ABCA13: variants seen among roughly 807,000 people sequenced by gnomAD.
ABCA13 encodes ATP-binding cassette sub-family A member 13.
In ABCA13, 476 loss-of-function variants were observed where a neutral mutation model predicts 478.7. That is an observed-to-expected ratio of 0.99 (90% CI 0.92 to 1.07). The LOEUF (loss-of-function observed/expected upper bound fraction) is 1.07, where lower values mean the gene tolerates loss of function less well. Ranked by LOEUF, ABCA13 falls within the 50% of genes least tolerant of loss-of-function variation. The pLI, the probability that ABCA13 is intolerant of heterozygous loss-of-function variation, is 0.00. For synonymous variants in ABCA13, 2,252 were observed against 2,158.9 expected, an observed-to-expected ratio of 1.04 and a Z score of -1.20; for missense variants, 6,060 against 5,910.6, an observed-to-expected ratio of 1.03 and a Z score of -0.83.
At chr7:48,375,593 T>C (rs1813340409) in intron 34 of ABCA13, among the ~76,000 whole-genome samples, 2 of 152,008 alleles carry the variant, frequency 1.3e-5, no homozygotes, top group Non-Finnish European at 1.5e-5. Flanking sequence ...ATATATTTCA[T>C]AGATATTTGT....
rs1224547302 is a variant in ABCA13 at position 48,272,409 on chromosome 7, G to A, written c.2743G>A (p.Glu915Lys). The change falls in exon 17 of 62, where the codon GAA (glutamate) becomes AAA (lysine). Residue 915 changes from glutamate (E) to lysine (K), a missense_variant. Around this residue, in one of 3 missense-constraint regions of ABCA13, gnomAD observed 4,423 missense variants for 4,309.1 expected, o/e 1.03. Transcript: ENST00000435803. ...FGFLEQEQIS[E>K]ALNTVYAIRN... ...ATTTTTGGAGCAGGAACAGATCTCAGAAGCTCTGAACACAGTCTACGCTAT... is the reference window on the plus strand; with the variant it reads ...ATTTTTGGAGCAGGAACAGATCTCAAAAGCTCTGAACACAGTCTACGCTAT... The A allele has an allele frequency of 1.2e-6, 2 of 1,613,770 alleles. No individual in the cohort carries two copies. The highest frequency in any genetic ancestry group is 1.7e-6 in the Non-Finnish European group (2 of 1,179,750).
At chr7:48,613,065 G>A (rs1408021181) in intron 58 of ABCA13, among the ~76,000 whole-genome samples, 1 of 151,912 alleles carries the variant, frequency 6.6e-6, no homozygotes, top group African/African-American at 2.4e-5. Flanking sequence ...TCTTTGAATG[G>A]TCTCTACATG....
At chr7:48,598,548 C>T (rs1422407582) in intron 58 of ABCA13, among the ~76,000 whole-genome samples, 2 of 151,986 alleles carry the variant, frequency 1.3e-5, no homozygotes, top group South Asian at 4.1e-4. Flanking sequence ...TGTAATAGTT[C>T]TTTTTATGTA....
chr7:48,441,410 C>A (rs1414186080), intron 42 of ABCA13, among the ~76,000 whole-genome samples: 1 of 152,164 alleles, frequency 6.6e-6, no homozygotes, highest in Admixed American at 6.5e-5. Flanking sequence ...CTATGGGCAC[C>A]CCTTCTCTCT....
At chr7:48,577,843 G>C (rs1296636112) in intron 55 of ABCA13, among the ~76,000 whole-genome samples, 2 of 152,056 alleles carry the variant, frequency 1.3e-5, no homozygotes, top group Non-Finnish European at 2.9e-5. Flanking sequence ...GTATCAAATT[G>C]AGTCTAACAA....
At chr7:48,465,591 A>G (rs1054267395) in intron 43 of ABCA13, among the ~76,000 whole-genome samples, 1 of 140,286 alleles carries the variant, frequency 7.1e-6, no homozygotes, top group South Asian at 2.2e-4. Flanking sequence ...ATACATATTT[A>G]TGGGGTACAT....
At chr7:48,299,954 G>A (rs1799921693) in intron 23 of ABCA13, among the ~76,000 whole-genome samples, 1 of 152,178 alleles carries the variant, frequency 6.6e-6, no homozygotes, top group South Asian at 2.1e-4. Flanking sequence ...GTAATTGGGA[G>A]GAGTATTTAA....
At chr7:48,292,012 G>A (rs1798608827) in intron 20 of ABCA13, among the ~76,000 whole-genome samples, 1 of 152,136 alleles carries the variant, frequency 6.6e-6, no homozygotes, top group Non-Finnish European at 1.5e-5. Context: ...TCTGTTCTCA[G>A]TCTGTGCTCA....
rs1795230763 is a variant in ABCA13 at position 48,643,280 on chromosome 7, A to G, written c.14838-8A>G. On this transcript the variant is annotated splice_region_variant and splice_polypyrimidine_tract_variant and intron_variant, in intron 59 of 61. Transcript: ENST00000435803. ...AATAATCATGTTTCTATTTTATTTAACTCTCAGGTTTGGTGATGGTTATAC... is the reference window on the plus strand; with the variant it reads ...AATAATCATGTTTCTATTTTATTTAGCTCTCAGGTTTGGTGATGGTTATAC... 1 of 1,563,544 alleles carries G rather than the reference A, an allele frequency of 6.4e-7. No homozygotes were observed. Among genetic ancestry groups the G allele is most frequent in the Non-Finnish European group, 8.7e-7 (1 of 1,145,012 alleles).
At chr7:48,578,614 G>A (rs1431947914) in intron 55 of ABCA13, among the ~76,000 whole-genome samples, 2 of 152,062 alleles carry the variant, frequency 1.3e-5, no homozygotes, top group African/African-American at 4.8e-5. Flanking sequence ...ACATCAACAA[G>A]ATATTGGTTC....
intron 59 of ABCA13, among the ~76,000 whole-genome samples, chr7:48,633,884 C>G (rs1308871930): frequency 1.3e-5 from 2 of 150,062 alleles, no homozygotes; most frequent in Non-Finnish European, 2.9e-5. Context: ...GTGAGTGAGA[C>G]ACTTCTCTTT....
intron 1 of ABCA13, among the ~76,000 whole-genome samples, chr7:48,183,761 T>A (rs1038025899): frequency 3.3e-5 from 5 of 152,242 alleles, no homozygotes; most frequent in African/African-American, 1.2e-4. Flanking sequence ...AAAGCACTTA[T>A]TTTTATTGCC....
rs111306165 is a variant in ABCA13 at position 48,257,997 on chromosome 7, C to T, written c.2005+8646C>T. 6.4e-3 allele frequency among the ~76,000 whole-genome samples: 973 copies of T among 152,256 alleles called. 7 individuals are homozygous for T. Among genetic ancestry groups the T allele is most frequent in the Middle Eastern group, 0.054 (16 of 294 alleles). On this transcript the variant is annotated intron_variant, in intron 15 of 61. Transcript: ENST00000435803. ...GGAGTGAAGTGATGCAGTCGAGGCTCACTGCACCCTCGACCTCCCAGGGTC... is the reference window on the plus strand; with the variant it reads ...GGAGTGAAGTGATGCAGTCGAGGCTTACTGCACCCTCGACCTCCCAGGGTC...
chr7:48,211,587 A>G lies in ABCA13; in HGVS notation c.288-7767A>G, dbSNP rs542269042. On this transcript the variant is annotated intron_variant, in intron 3 of 61. Coordinates refer to ENST00000435803, the MANE Select transcript of ABCA13 (RefSeq NM_152701.5). The stretch of plus-strand genomic sequence containing the variant: ...GAAGCTCATGTTCTTCCTGATGAGT[A>G]CAGTACTGGGGCTTACCCAAGGCCC... 9.2e-5 allele frequency among the ~76,000 whole-genome samples: 14 copies of G among 152,164 alleles called. No individual in the cohort carries two copies. The South Asian group carries it at 2.7e-3, about 29-fold the overall frequency.
intron 47 of ABCA13, among the ~76,000 whole-genome samples, chr7:48,486,346 G>A (rs369219306): frequency 4.6e-5 from 7 of 152,222 alleles, no homozygotes; most frequent in East Asian, 3.9e-4. Flanking sequence ...AGAGAGCTCC[G>A]TACCCAGGTC....
intron 39 of ABCA13, among the ~76,000 whole-genome samples, chr7:48,407,700 G>A (rs1247149163): frequency 6.6e-6 from 1 of 151,800 alleles, no homozygotes; most frequent in African/African-American, 2.4e-5. Flanking sequence ...GGGATTACAG[G>A]TGTGCACCAC....
intron 1 of ABCA13, among the ~76,000 whole-genome samples, chr7:48,181,618 C>T (rs1795709249): frequency 6.6e-6 from 1 of 151,760 alleles, no homozygotes; most frequent in Non-Finnish European, 1.5e-5. Flanking sequence ...CTCTATTTTA[C>T]CTCCTTGTAC....
chr7:48,406,687 A>G (rs910481016), intron 39 of ABCA13, among the ~76,000 whole-genome samples: 5 of 152,080 alleles, frequency 3.3e-5, no homozygotes, highest in African/African-American at 1.2e-4. Context: ...ATCCTGGCCA[A>G]TATGATGAAA....
chr7:48,551,334 T>G (rs1785304815), intron 55 of ABCA13, among the ~76,000 whole-genome samples: 1 of 151,916 alleles, frequency 6.6e-6, no homozygotes, highest in Non-Finnish European at 1.5e-5. Flanking sequence ...AATGTACATT[T>G]AAACTTCATC....
Sources: gnomAD v4.1 joint callset for allele counts (sites outside exome capture counted in the v4.1 genomes callset) on GRCh38, gnomAD v4.1.1 for gene constraint, gnomAD v4.1.1 regional missense constraint, MANE v1.5 for transcripts, NCBI Gene and HGNC (gene_info 2026-07-23, HGNC 2026-07-21) for gene names.